The following STK3 variants were observed in gnomAD, a reference collection of about 807,000 sequenced individuals.
STK3 encodes the protein serine/threonine kinase 3, also known as serine/threonine-protein kinase 3.
STK3 carries 41 observed loss-of-function variants against 58.0 expected under a neutral mutation model. The observed-to-expected ratio is 0.71, with a 90% CI of 0.55 to 0.92. STK3 has a LOEUF of 0.92. Ranked by LOEUF, STK3 falls within the 40% of genes least tolerant of loss-of-function variation. STK3 has a pLI of 0.00. For synonymous variants in STK3, 170 were observed against 191.0 expected, an observed-to-expected ratio of 0.89 and a Z score of 0.91; for missense variants, 479 against 602.7, an observed-to-expected ratio of 0.79 and a Z score of 2.15.
intron 6 of STK3, among the ~76,000 whole-genome samples, chr8:98,656,902 A>T (rs943512653): frequency 2.0e-5 from 3 of 152,116 alleles, no homozygotes; most frequent in Non-Finnish European, 4.4e-5. Flanking sequence ...ATATCTAAAC[A>T]TATCTTTACT....
At chr8:98,840,016 A>C (rs1835905603) in intron 3 of STK3, among the ~76,000 whole-genome samples, 1 of 152,090 alleles carries the variant, frequency 6.6e-6, no homozygotes, top group Non-Finnish European at 1.5e-5. Flanking sequence ...ATGCTTAGTA[A>C]ATGGAAATTA....
At chr8:98,618,544 T>C (rs1175360925) in intron 6 of STK3, among the ~76,000 whole-genome samples, 1 of 150,392 alleles carries the variant, frequency 6.6e-6, no homozygotes, top group Non-Finnish European at 1.5e-5. Context: ...GCAGACGACA[T>C]GATTGTTTAT....
At chr8:98,720,394 A>G (rs903227863) in intron 4 of STK3, among the ~76,000 whole-genome samples, 1 of 152,180 alleles carries the variant, frequency 6.6e-6, no homozygotes, top group African/African-American at 2.4e-5. Context: ...TCAACAATCA[A>G]TATTACTTCC....
chr8:98,586,037 A>T (rs896619229), intron 7 of STK3, among the ~76,000 whole-genome samples: 1 of 152,162 alleles, frequency 6.6e-6, no homozygotes, highest in Admixed American at 6.5e-5. Flanking sequence ...TCATGTCATC[A>T]GCAGACAGGG....
intron 4 of STK3, among the ~76,000 whole-genome samples, chr8:98,748,057 A>C (rs73277826): frequency 6.6e-6 from 1 of 152,178 alleles, no homozygotes; most frequent in Non-Finnish European, 1.5e-5. Flanking sequence ...CAAATACTTC[A>C]TATCTACTCA....
chr8:98,405,254 C>T (rs1352146733), intron 3 of STK3, among the ~76,000 whole-genome samples: 1 of 152,146 alleles, frequency 6.6e-6, no homozygotes, highest in Non-Finnish European at 1.5e-5. Context: ...CTAAAATTTT[C>T]TGAGAATCCA....
intron 4 of STK3, among the ~76,000 whole-genome samples, chr8:98,738,465 C>T (rs1049458017): frequency 2.6e-5 from 4 of 152,006 alleles, no homozygotes; most frequent in Admixed American, 2.6e-4. Flanking sequence ...AAGAACGAAA[C>T]TCCGACTCAA....
chr8:98,819,301 A>T (rs911554246), intron 1 of STK3, among the ~76,000 whole-genome samples: 1 of 151,422 alleles, frequency 6.6e-6, no homozygotes, highest in Non-Finnish European at 1.5e-5. Flanking sequence ...TTTTTTTTTT[A>T]AATGTTGAAA....
chr8:98,675,679 G>A (rs1194142510), intron 6 of STK3, among the ~76,000 whole-genome samples: 6 of 151,964 alleles, frequency 3.9e-5, no homozygotes, highest in East Asian at 1.9e-4. Flanking sequence ...TGGCCAACAC[G>A]GTGAAACCCC....
intron 10 of STK3, among the ~76,000 whole-genome samples, chr8:98,458,388 A>T (rs1806508274): frequency 1.3e-5 from 2 of 152,006 alleles, no homozygotes; most frequent in Admixed American, 1.3e-4. Flanking sequence ...GGGATCTTTT[A>T]CCTTCTTGGC....
At chr8:98,890,419 A>G (rs1838152686) in intron 1 of STK3, among the ~76,000 whole-genome samples, 1 of 152,238 alleles carries the variant, frequency 6.6e-6, no homozygotes, top group Non-Finnish European at 1.5e-5. Context: ...CAATATCTGG[A>G]GGACACATTA....
At chr8:98,845,173 A>G (rs541505246) in intron 3 of STK3, among the ~76,000 whole-genome samples, 5 of 152,242 alleles carry the variant, frequency 3.3e-5, no homozygotes, top group African/African-American at 1.2e-4. Context: ...CAAGAACCCT[A>G]CTAGCTATAC....
At chr8:98,707,656 C>T (rs1474127227) in intron 4 of STK3, among the ~76,000 whole-genome samples, 1 of 152,080 alleles carries the variant, frequency 6.6e-6, no homozygotes, top group African/African-American at 2.4e-5. Flanking sequence ...TCTCCTTCCT[C>T]AGCTTCCCAA....
the STK3 span, among the ~76,000 whole-genome samples, chr8:98,349,630 A>C: frequency 0.091 from 13,933 of 152,274 alleles, 772 homozygotes; most frequent in East Asian, 0.24. Flanking sequence ...GCAAACTTCT[A>C]TCTGGACATC....
intron 6 of STK3, among the ~76,000 whole-genome samples, chr8:98,620,471 AAAAT>A (rs890531582): frequency 4.3e-4 from 64 of 148,194 alleles, no homozygotes; most frequent in Middle Eastern, 3.5e-3. Flanking sequence ...TATAATAAAA[AAAAT>A]AAATAAATAA....
rs80202889 is a variant in STK3, at chr8:98,568,945, G to A, written c.948+10719C>T. Among the ~76,000 whole-genome samples the A allele has an allele frequency of 2.5e-4, 38 of 152,158 alleles. No homozygotes were observed. The East Asian group carries it at 6.8e-3, about 27-fold the overall frequency. On this transcript the variant is annotated intron_variant, in intron 8 of 10. Coordinates refer to ENST00000419617, the MANE Select transcript of STK3 (RefSeq NM_006281.4). ...TGAAGGGTGTTTCCAGATTTAAAAAGTCAAAAGACACTCCATACGATGAAT... is the reference window on the plus strand; with the variant it reads ...TGAAGGGTGTTTCCAGATTTAAAAAATCAAAAGACACTCCATACGATGAAT...
At chr8:98,504,894 C>A (rs1013980132) in intron 10 of STK3, among the ~76,000 whole-genome samples, 4 of 152,184 alleles carry the variant, frequency 2.6e-5, no homozygotes, top group Admixed American at 1.3e-4. Context: ...TGAGGAATAT[C>A]TTTGTGGTGT....
At chr8:98,725,159 C>T (rs907691193) in intron 4 of STK3, among the ~76,000 whole-genome samples, 1 of 152,000 alleles carries the variant, frequency 6.6e-6, no homozygotes, top group Non-Finnish European at 1.5e-5. Flanking sequence ...ACACATAAGA[C>T]CTATATGTAC....
chr8:98,883,885 G>T (rs1052386845), intron 1 of STK3: 10 of 586,668 alleles, frequency 1.7e-5, no homozygotes, highest in Non-Finnish European at 3.1e-5. Context: ...GAAGCCAGAG[G>T]GGCAGTCACA....
Sources: gnomAD v4.1 joint callset for allele counts (sites outside exome capture counted in the v4.1 genomes callset) on GRCh38, gnomAD v4.1.1 for gene constraint, MANE v1.5 for transcripts, NCBI Gene and HGNC (gene_info 2026-07-23, HGNC 2026-07-21) for gene names.